CLSTN2: variants seen among roughly 807,000 people sequenced by gnomAD.
CLSTN2 encodes calsyntenin 2.
Under a neutral mutation model 101.2 loss-of-function variants are expected in CLSTN2, and 48 were observed. The ratio of observed to expected loss-of-function variants is 0.47; its 90% CI spans 0.38 to 0.60. The LOEUF (loss-of-function observed/expected upper bound fraction) is 0.60. CLSTN2 is among the 20% of genes least tolerant of loss of function. The probability of loss-of-function intolerance (pLI) is 0.00; values close to 1 mark genes in which losing one functional copy is unlikely to be tolerated. For synonymous variants in CLSTN2, 481 were observed against 463.6 expected (o/e 1.04, Z -0.48); for missense variants, 1,160 against 1,238.2 (o/e 0.94, Z 0.95).
chr3:140,096,083 T>C (rs936925274), intron 1 of CLSTN2, among the ~76,000 whole-genome samples: 16 of 152,210 alleles, frequency 1.1e-4, no homozygotes, highest in African/African-American at 3.9e-4. Context: ...GAAAAGATTC[T>C]AAGGGAAAGT....
intron 1 of CLSTN2, among the ~76,000 whole-genome samples, chr3:140,045,875 C>G (rs1032866009): frequency 1.1e-4 from 16 of 152,322 alleles, no homozygotes; most frequent in Middle Eastern, 3.4e-3. Context: ...GCACTGTGGT[C>G]TGAGAGACAG....
Position 140,067,666 on chromosome 3 carries a change from T to C in CLSTN2, c.110-108285T>C, listed in dbSNP as rs575469013. 1.5e-4 allele frequency among the ~76,000 whole-genome samples: 23 copies of C among 152,322 alleles called. 1 individual carries two copies. In the South Asian group the frequency reaches 4.8e-3, roughly 32 times the overall value. On this transcript the variant is annotated intron_variant, in intron 1 of 16. Coordinates refer to ENST00000458420, the MANE Select transcript of CLSTN2 (RefSeq NM_022131.3). ...TGTTGTGGAAGATTAAGTGCCTGGATCACAGATGCTGTCACCCTTTCTGAT... is the reference window on the plus strand; with the variant it reads ...TGTTGTGGAAGATTAAGTGCCTGGACCACAGATGCTGTCACCCTTTCTGAT...
At chr3:140,029,379 A>G in intron 1 of CLSTN2, among the ~76,000 whole-genome samples, 1 of 152,322 alleles carries the variant, frequency 6.6e-6, no homozygotes, top group Middle Eastern at 3.4e-3. Flanking sequence ...TAGTATACAT[A>G]TGGTATGTAT....
Position 140,564,149 on chromosome 3 carries a change from A to G in CLSTN2, c.2667+4A>G. 6.2e-7 allele frequency: 1 copy of G among 1,613,102 alleles called. No homozygotes were observed. The highest frequency in any genetic ancestry group is 8.5e-7 in the Non-Finnish European group (1 of 1,179,486). On this transcript the variant is annotated splice_donor_region_variant and intron_variant, in intron 16 of 16. Transcript: ENST00000458420. ...TATCACAGTCAACCCCATGGAGGTG[A>G]TCCTCATGCACGGCTGGGAGTTCTG...
At chr3:140,237,342 T>G (rs1474290875) in intron 2 of CLSTN2, among the ~76,000 whole-genome samples, 1 of 152,196 alleles carries the variant, frequency 6.6e-6, no homozygotes, top group Non-Finnish European at 1.5e-5. Flanking sequence ...AAACTATCTG[T>G]AGCACTGTAA....
chr3:140,321,531 C>T (rs1013474105), intron 2 of CLSTN2, among the ~76,000 whole-genome samples: 19 of 152,134 alleles, frequency 1.2e-4, no homozygotes, highest in African/African-American at 4.6e-4. Flanking sequence ...GGAGAGAGAC[C>T]ACTGGGGACC....
At chr3:140,338,569 C>G (rs1173512405) in intron 2 of CLSTN2, among the ~76,000 whole-genome samples, 1 of 152,122 alleles carries the variant, frequency 6.6e-6, no homozygotes, top group African/African-American at 2.4e-5. Context: ...TCCAGTCCCC[C>G]CCCGGCCTCA....
chr3:140,523,593 C>G (rs532397020), intron 8 of CLSTN2, among the ~76,000 whole-genome samples: 1 of 152,312 alleles, frequency 6.6e-6, no homozygotes, highest in African/African-American at 2.4e-5. Context: ...CCTTACTTAG[C>G]TCAATTCACA....
chr3:140,049,952 G>A (rs2007959042), intron 1 of CLSTN2, among the ~76,000 whole-genome samples: 1 of 152,106 alleles, frequency 6.6e-6, no homozygotes, highest in Non-Finnish European at 1.5e-5. Context: ...CTTCATCTGA[G>A]TTCACCTTCT....
chr3:140,180,447 T>A (rs1162167713), intron 2 of CLSTN2, among the ~76,000 whole-genome samples: 1 of 152,222 alleles, frequency 6.6e-6, no homozygotes, highest in Non-Finnish European at 1.5e-5. Flanking sequence ...CTGAGCTCTG[T>A]AGATTTGACC....
At chr3:140,245,708 T>C (rs1293727665) in intron 2 of CLSTN2, among the ~76,000 whole-genome samples, 2 of 152,178 alleles carry the variant, frequency 1.3e-5, no homozygotes, top group African/African-American at 4.8e-5. Context: ...GAGAATGTCC[T>C]AGATCACAAT....
chr3:140,367,439 G>GGAGGCA (rs2087803644), intron 2 of CLSTN2, among the ~76,000 whole-genome samples: 1 of 150,492 alleles, frequency 6.6e-6, no homozygotes, highest in Non-Finnish European at 1.5e-5. Flanking sequence ...CTTGAACCGG[G>GGAGGCA]GAGGCAGAGG....
chr3:140,500,498 A>G (rs1934555885), intron 8 of CLSTN2, among the ~76,000 whole-genome samples: 2 of 152,324 alleles, frequency 1.3e-5, no homozygotes, highest in South Asian at 4.1e-4. Flanking sequence ...AGGACAAGAA[A>G]TTGGGATGTT....
intron 2 of CLSTN2, among the ~76,000 whole-genome samples, chr3:140,258,782 T>C (rs375778887): frequency 6.6e-6 from 1 of 152,330 alleles, no homozygotes; most frequent in Admixed American, 6.5e-5. Context: ...ATTCTGACAC[T>C]GGCCATATAA....
chr3:140,396,265 T>C (rs1484775584), intron 2 of CLSTN2, among the ~76,000 whole-genome samples: 1 of 152,138 alleles, frequency 6.6e-6, no homozygotes, highest in Non-Finnish European at 1.5e-5. Flanking sequence ...TAGAGGATGT[T>C]GTCATTCAGA....
rs933572142 is a variant in CLSTN2 at position 140,572,406 on chromosome 3, C to G, written c.*6153C>G. 6.6e-6 allele frequency: 1 copy of G among 152,214 alleles called. No homozygotes were observed. The highest frequency in any genetic ancestry group is 2.4e-5 in the African/African-American group (1 of 41,438). The allele number at this position is 152,214 out of a possible 1,614,324, so 9.4% of individuals were successfully genotyped here. On this transcript the variant is annotated 3_prime_UTR_variant, in exon 17 of 17. Transcript: ENST00000458420. Reference sequence around the variant, plus strand: ...TCAGAGAAAATAAGACAGAAGCAGTCCTTAAATATAAACAGCAGCCAGGTG... The same window carrying G: ...TCAGAGAAAATAAGACAGAAGCAGTGCTTAAATATAAACAGCAGCCAGGTG...
chr3:140,281,337 T>G (rs144710180), intron 2 of CLSTN2, among the ~76,000 whole-genome samples: 1 of 152,298 alleles, frequency 6.6e-6, no homozygotes, highest in East Asian at 1.9e-4. Context: ...AGTGAGCTCA[T>G]GGACTTTGAG....
intron 2 of CLSTN2, among the ~76,000 whole-genome samples, chr3:140,240,217 CACACATAT>C (rs759861809): frequency 0.048 from 1,433 of 29,574 alleles, 186 homozygotes; most frequent in South Asian, 0.09. Context: ...CACACACACA[CACACATAT>C]ATATATATGC....
chr3:139,962,717 G>A (rs979832449), intron 1 of CLSTN2, among the ~76,000 whole-genome samples: 1 of 152,106 alleles, frequency 6.6e-6, no homozygotes, highest in South Asian at 2.1e-4. Context: ...ATCTGTTGTT[G>A]CATTAATAGT....
Sources: gnomAD v4.1 joint callset for allele counts (sites outside exome capture counted in the v4.1 genomes callset) on GRCh38, gnomAD v4.1.1 for gene constraint, MANE v1.5 for transcripts, NCBI Gene and HGNC (gene_info 2026-07-23, HGNC 2026-07-21) for gene names.